ANKDD1A: variants seen among roughly 807,000 people sequenced by gnomAD.
ANKDD1A encodes the protein ankyrin repeat and death domain containing 1A.
A neutral mutation model predicts 63.5 loss-of-function variants in ANKDD1A; 59 were observed. The observed-to-expected ratio is 0.93, with a 90% CI of 0.75 to 1.15. The LOEUF is 1.15. ANKDD1A is among the 50% of genes most tolerant of loss of function. ANKDD1A has a pLI of 0.00. For missense variants in ANKDD1A, 632 were observed against 656.4 expected (o/e 0.96, Z 0.41); for synonymous variants, 266 against 263.9 (o/e 1.01, Z -0.08).
chr15:64,916,627 AGAAGT>A (rs1205283296), intron 2 of ANKDD1A, among the ~76,000 whole-genome samples: 1 of 152,228 alleles, frequency 6.6e-6, no homozygotes, highest in Non-Finnish European at 1.5e-5. Context: ...TCACCCTGCC[AGAAGT>A]GGCATTTTTG....
chr15:64,955,853 T>C (rs2085412016), intron 14 of ANKDD1A, among the ~76,000 whole-genome samples: 2 of 152,318 alleles, frequency 1.3e-5, no homozygotes, highest in Middle Eastern at 3.4e-3. Flanking sequence ...CTTTTATCCA[T>C]TGGTCCAGCA....
chr15:64,954,698 C>G (rs2085395165), intron 14 of ANKDD1A, among the ~76,000 whole-genome samples: 1 of 141,500 alleles, frequency 7.1e-6, no homozygotes, highest in African/African-American at 2.7e-5. Context: ...TCTCCTTGTT[C>G]TTCTCCTTCT....
chr15:64,943,197 G>T (rs2085197719), intron 10 of ANKDD1A: 1 of 356,302 alleles, frequency 2.8e-6, no homozygotes, highest in Non-Finnish European at 5.1e-6. Context: ...TAGGGAAGTG[G>T]TTAGGTAAAT....
chr15:64,952,570 TCTTCTC>T (rs1182336490), intron 14 of ANKDD1A, among the ~76,000 whole-genome samples: 8 of 82,772 alleles, frequency 9.7e-5, no homozygotes, highest in Admixed American at 8.4e-4. Context: ...CCTTCGTTCT[TCTTCTC>T]CTTCTTTTCT....
At chr15:64,954,535 CTTCTCCTTCTTCTT>C in intron 14 of ANKDD1A, among the ~76,000 whole-genome samples, 3 of 19,218 alleles carry the variant, frequency 1.6e-4, no homozygotes, top group Admixed American at 7.9e-4. Flanking sequence ...CTTCTTCCTC[CTTCTCCTTCTTCTT>C]TTCTTCTTCC....
At position 64,957,510 on chromosome 15, in the gene ANKDD1A, TGA is replaced by T. The variant is rs1228025810; in HGVS notation, c.*326_*327del. The T allele has an allele frequency of 8.3e-5, 13 of 156,850 alleles. No individual in the cohort carries two copies. Among genetic ancestry groups the T allele is most frequent in the African/African-American group, 3.1e-4 (13 of 41,608 alleles). The allele number at this position is 156,850 out of a possible 1,614,324, so 9.7% of individuals were successfully genotyped here. ...ATTTCATGGATGCACAAATGTTTAT[TGA>T]GAGTCTCATATTCATGCTTTTCTTC... On this transcript the variant is annotated 3_prime_UTR_variant, in exon 15 of 15. Coordinates refer to ENST00000319580, the MANE Select transcript of ANKDD1A (RefSeq NM_182703.6).
At position 64,911,943 on chromosome 15, in the gene ANKDD1A, C is replaced by G; in HGVS notation, c.13C>G (p.Leu5Val). 6 of 1,246,828 alleles carry G rather than the reference C, an allele frequency of 4.8e-6. No homozygotes were observed. Among genetic ancestry groups the G allele is most frequent in the African/African-American group, 1.6e-5 (1 of 64,152 alleles). 77.2% of individuals were successfully genotyped at this position (1,246,828 alleles called of 1,614,324 possible). Residue 5 changes from leucine (L) to valine (V), a missense_variant, in exon 1 of 15, where the codon CTG becomes GTG. Leu to Val is a conservative substitution (Grantham distance 32, BLOSUM62 1). Coordinates refer to ENST00000319580, the MANE Select transcript of ANKDD1A (RefSeq NM_182703.6). ...GCGGAGCGGCAGGATGCAGGAGGAGCTGGCGTGGGAGACCGACGGCCGTGA... is the reference window on the plus strand; with the variant it reads ...GCGGAGCGGCAGGATGCAGGAGGAGGTGGCGTGGGAGACCGACGGCCGTGA... Reference protein sequence around the residue: MQEELAWETDGLLPL... With the variant: MQEEVAWETDGLLPL...
chr15:64,926,163 T>C lies in ANKDD1A; in HGVS notation c.464T>C (p.Val155Ala), dbSNP rs1351552924. 10 of 1,613,760 alleles carry C rather than the reference T, an allele frequency of 6.2e-6. No individual in the cohort carries two copies. Among genetic ancestry groups the C allele is most frequent in the African/African-American group, 1.3e-5 (1 of 75,012 alleles). The change falls in exon 5 of 15, where the codon GTA becomes GCA. Residue 155 changes from valine (V) to alanine (A), a missense_variant. By Grantham distance (64) the Val-to-Ala change is moderately conservative. Transcript: ENST00000319580. Reference protein sequence around the residue: ...EDLEDVALDHVDKLGRTAFHR... With the variant: ...EDLEDVALDHADKLGRTAFHR... Reference sequence around the variant, plus strand: ...CTGGAGGATGTGGCCCTGGACCACGTAGACAAGGTGAGAGTGCCTCAGGGC... The same window carrying C: ...CTGGAGGATGTGGCCCTGGACCACGCAGACAAGGTGAGAGTGCCTCAGGGC...
chr15:64,952,510 TTAC>T (rs1456323291), intron 14 of ANKDD1A, among the ~76,000 whole-genome samples: 14 of 32,888 alleles, frequency 4.3e-4, no homozygotes, highest in South Asian at 1.8e-3. Flanking sequence ...CTCCTTCTTC[TTAC>T]TTTCTTCTTC....
At chr15:64,942,419 C>A (rs756558237) in intron 9 of ANKDD1A, 48 bp from the exon 10 acceptor site, 4 of 1,435,836 alleles carry the variant, frequency 2.8e-6, no homozygotes, top group Non-Finnish European at 3.8e-6. Flanking sequence ...TGCAGCTGGG[C>A]AGTCCTGGGA....
chr15:64,934,351 G>C (rs941297230), intron 9 of ANKDD1A, 117 bp downstream of exon 9: 56 of 837,238 alleles, frequency 6.7e-5, no homozygotes, highest in Non-Finnish European at 9.6e-5. Flanking sequence ...TGCGGACCAG[G>C]AGTAGGGGAG....
intron 14 of ANKDD1A, among the ~76,000 whole-genome samples, chr15:64,951,867 TTTTTC>T: frequency 3.0e-5 from 2 of 66,788 alleles, no homozygotes. Flanking sequence ...CTTCCTCTTC[TTTTTC>T]TTTCTTCTTT....
At chr15:64,948,120 C>G (rs568875263) in intron 13 of ANKDD1A, among the ~76,000 whole-genome samples, 20 of 152,230 alleles carry the variant, frequency 1.3e-4, no homozygotes, top group African/African-American at 4.8e-4. Flanking sequence ...CACCACAGAA[C>G]TCCTATGAAC....
chr15:64,947,710 C>G (rs2140382529), intron 13 of ANKDD1A, 117 bp downstream of exon 13: 1 of 1,252,940 alleles, frequency 8.0e-7, no homozygotes, highest in East Asian at 2.5e-5. Context: ...ACAGCCTGGT[C>G]CCACACTGTC....
At chr15:64,950,452 G>A (rs961484392) in intron 14 of ANKDD1A, 1 of 985,402 alleles carries the variant, frequency 1.0e-6, no homozygotes, top group Non-Finnish European at 1.2e-6. Flanking sequence ...ATGGGATTCA[G>A]TGTTCTGTGG....
At chr15:64,951,993 TCTTTTCTTTCTTCTTC>T (rs2085294406) in intron 14 of ANKDD1A, among the ~76,000 whole-genome samples, 1 of 150,508 alleles carries the variant, frequency 6.6e-6, no homozygotes, top group African/African-American at 2.4e-5. Context: ...TATTCTTCTT[TCTTTTCTTTCTTCTTC>T]CATCTTCTAT....
intron 13 of ANKDD1A, among the ~76,000 whole-genome samples, chr15:64,948,152 TATAGAG>T (rs969456383): frequency 2.6e-5 from 4 of 151,672 alleles, no homozygotes; most frequent in African/African-American, 9.7e-5. Context: ...GGGCAAAAAA[TATAGAG>T]AGAGAATCTT....
At chr15:64,938,417 C>T (rs1567114156) in intron 9 of ANKDD1A, among the ~76,000 whole-genome samples, 1 of 152,188 alleles carries the variant, frequency 6.6e-6, no homozygotes, top group Non-Finnish European at 1.5e-5. Flanking sequence ...GAAAATGATA[C>T]TTTATCTCTG....
rs536133485 is a variant in ANKDD1A, at chr15:64,956,531, C to T, written c.1484-572C>T. 1.5e-4 allele frequency among the ~76,000 whole-genome samples: 23 copies of T among 150,244 alleles called. No individual in the cohort carries two copies. The East Asian group carries it at 2.2e-3, about 15-fold the overall frequency. ...CTGTGCCACTGCACTCCAGCCTGGG[C>T]GACAGAGCAAGACTCTGTCTCAAAA... On this transcript the variant is annotated intron_variant, in intron 14 of 14. Transcript: ENST00000319580.
Sources: allele counts gnomAD v4.1 joint callset (sites outside exome capture counted in the v4.1 genomes callset), GRCh38; gene constraint gnomAD v4.1.1; transcripts MANE v1.5; gene names NCBI Gene and HGNC (gene_info 2026-07-23, HGNC 2026-07-21).